Variants in TXNL1 observed in about 807,000 individuals in gnomAD.
The protein encoded by TXNL1 is thioredoxin like 1.
Under a neutral mutation model 35.5 loss-of-function variants are expected in TXNL1, and 14 were observed. The ratio of observed to expected loss-of-function variants is 0.39; its 90% CI spans 0.26 to 0.62. The LOEUF is 0.62. Ranked by LOEUF, TXNL1 falls within the 20% of genes least tolerant of loss-of-function variation. The probability of loss-of-function intolerance (pLI) is 0.47; values close to 1 mark genes in which losing one functional copy is unlikely to be tolerated. For synonymous variants in TXNL1, 110 were observed against 115.5 expected (o/e 0.95, Z 0.31); for missense variants, 263 against 349.7 (o/e 0.75, Z 1.98).
rs1314949143 is a variant in TXNL1, at chr18:56,598,964, T to A, written c.*4063A>T. 1.3e-5 allele frequency: 2 copies of A among 152,208 alleles called. No homozygotes were observed. Among genetic ancestry groups the A allele is most frequent in the Non-Finnish European group, 1.5e-5 (1 of 68,036 alleles). The allele number at this position is 152,208 out of a possible 1,614,324, so 9.4% of individuals were successfully genotyped here. On this transcript the variant is annotated 3_prime_UTR_variant, in exon 8 of 8. Transcript: ENST00000217515. ...TGTCCAATTATAAACCAACAGATCA[T>A]GTTTTCACAATTAATTCTGGTCTGT...
intron 7 of TXNL1, chr18:56,610,227 G>C (rs1326590828): frequency 6.6e-6 from 1 of 152,194 alleles, no homozygotes; most frequent in Non-Finnish European, 1.5e-5. Flanking sequence ...TTTAAACTGA[G>C]TATATAGCAA....
chr18:56,605,800 T>C (rs1351049861), intron 7 of TXNL1, among the ~76,000 whole-genome samples: 6 of 152,302 alleles, frequency 3.9e-5, no homozygotes, highest in East Asian at 3.9e-4. Flanking sequence ...AAAGTTGTAA[T>C]AGCATGAAAG....
intron 7 of TXNL1, chr18:56,610,721 ACCAAG>A: frequency 5.1e-6 from 1 of 194,850 alleles, no homozygotes; most frequent in Non-Finnish European, 1.0e-5. Context: ...ACTTTCTATA[ACCAAG>A]CCATTATTTT....
intron 7 of TXNL1, among the ~76,000 whole-genome samples, chr18:56,607,889 G>A (rs2023926679): frequency 6.6e-6 from 1 of 152,094 alleles, no homozygotes. Context: ...CCATTGTAAG[G>A]TGAAAATATT....
intron 3 of TXNL1, among the ~76,000 whole-genome samples, chr18:56,618,615 T>C (rs2024128645): frequency 6.6e-6 from 1 of 151,658 alleles, no homozygotes; most frequent in African/African-American, 2.4e-5. Context: ...CCAGCTACAA[T>C]AATCATCAAC....
At position 56,638,563 on chromosome 18, in the gene TXNL1, A is replaced by C. The variant is rs1598928723; in HGVS notation, c.-123T>G. The C allele has an allele frequency of 1.2e-6, 1 of 857,280 alleles. No homozygotes were observed. The highest frequency in any genetic ancestry group is 4.0e-4 in the Middle Eastern group (1 of 2,508). The allele number at this position is 857,280 out of a possible 1,614,324, so 53.1% of individuals were successfully genotyped here. ...CGAGGCCTGGACAGAAGAGGTGGCG[A>C]CCGCCGAGTCTTCTCCCGGGACTCT... On this transcript the variant is annotated 5_prime_UTR_variant, in exon 1 of 8. Transcript: ENST00000217515.
intron 7 of TXNL1, chr18:56,605,386 T>C (rs2023874018): frequency 6.6e-6 from 1 of 152,160 alleles, no homozygotes; most frequent in Admixed American, 6.6e-5. Flanking sequence ...TTAAAAAAGC[T>C]GAAAAATAAA....
chr18:56,622,382 A>C (rs1428080689), intron 3 of TXNL1, among the ~76,000 whole-genome samples: 2 of 152,312 alleles, frequency 1.3e-5, no homozygotes, highest in Non-Finnish European at 2.9e-5. Context: ...GGGATAATTA[A>C]GAAAATTTAA....
rs534596872 is a variant in TXNL1, at chr18:56,611,363, G to A, written c.736-266C>T. On this transcript the variant is annotated intron_variant, in intron 6 of 7. Transcript: ENST00000217515. ...AAAAACACAAAAAAATTAACCAGGT[G>A]TGGTGACTGGCACCTGTAATCCTAG... is the stretch of plus-strand genomic sequence containing the variant. Among the ~76,000 whole-genome samples the A allele has an allele frequency of 3.3e-5, 5 of 151,924 alleles. No homozygotes were observed. In the East Asian group the frequency reaches 9.8e-4, roughly 30 times the overall value.
In TXNL1 at chr18:56,624,379, C is replaced by T. The variant is rs772936994; in HGVS notation, c.278G>A (p.Gly93Glu). The change falls in exon 3 of 8, where the codon GGA (glycine) becomes GAA (glutamate). Residue 93 changes from glycine to glutamate, a missense_variant. Transcript: ENST00000217515. ...RNKVRIDQYQ[G>E]ADAVGLEEKI... ...TTCTTCTAATCCCACAGCATCTGCT[C>T]CTTGATATTGATCAATTCTCACTTT... 1.9e-6 allele frequency: 3 copies of T among 1,613,902 alleles called. No homozygotes were observed. Among genetic ancestry groups the T allele is most frequent in the Admixed American group, 3.3e-5 (2 of 60,016 alleles).
intron 1 of TXNL1, 73 bp downstream of exon 1, chr18:56,638,270 C>A: frequency 6.8e-7 from 1 of 1,461,096 alleles, no homozygotes; most frequent in Non-Finnish European, 9.3e-7. Context: ...GCTAGGAAAC[C>A]AGGGCCAACA....
At chr18:56,632,873 C>T (rs907331217) in intron 1 of TXNL1, among the ~76,000 whole-genome samples, 1 of 152,194 alleles carries the variant, frequency 6.6e-6, no homozygotes, top group African/African-American at 2.4e-5. Flanking sequence ...TACTTGCTAA[C>T]GTTTTCTGCC....
At chr18:56,622,668 A>T (rs1444407669) in intron 3 of TXNL1, among the ~76,000 whole-genome samples, 1 of 152,206 alleles carries the variant, frequency 6.6e-6, no homozygotes, top group African/African-American at 2.4e-5. Flanking sequence ...CAAAACACTC[A>T]TACCACAGCG....
intron 2 of TXNL1, among the ~76,000 whole-genome samples, chr18:56,625,855 C>T (rs1314369167): frequency 6.6e-6 from 1 of 152,042 alleles, no homozygotes; most frequent in African/African-American, 2.4e-5. Flanking sequence ...TATACAAATA[C>T]AGAACTGCCA....
intron 1 of TXNL1, among the ~76,000 whole-genome samples, chr18:56,634,340 G>A (rs915922460): frequency 1.3e-5 from 2 of 152,086 alleles, no homozygotes; most frequent in African/African-American, 4.8e-5. Context: ...TAATTCAAAC[G>A]ATGCATTTAT....
intron 7 of TXNL1, among the ~76,000 whole-genome samples, chr18:56,608,062 G>A (rs539790695): frequency 6.6e-6 from 1 of 152,200 alleles, no homozygotes; most frequent in Non-Finnish European, 1.5e-5. Flanking sequence ...GTGGTTCCAG[G>A]CATCCACCGG....
intron 1 of TXNL1, among the ~76,000 whole-genome samples, chr18:56,630,741 C>A (rs1251543579): frequency 2.0e-5 from 3 of 152,122 alleles, no homozygotes; most frequent in African/African-American, 7.2e-5. Context: ...TATCTAGATT[C>A]TTTAATTTCA....
At chr18:56,612,000 T>C (rs898311853) in intron 6 of TXNL1, among the ~76,000 whole-genome samples, 9 of 148,122 alleles carry the variant, frequency 6.1e-5, no homozygotes, top group African/African-American at 2.2e-4. Context: ...AGGCACATGC[T>C]GCCACGCCCG....
chr18:56,614,377 T>C (rs654705), intron 6 of TXNL1, 47 bp downstream of exon 6: 7 of 1,531,274 alleles, frequency 4.6e-6, no homozygotes, highest in Non-Finnish European at 6.2e-6. Context: ...AAAATAGTAT[T>C]GTTACTCACA....
Sources: allele counts gnomAD v4.1 joint callset (sites outside exome capture counted in the v4.1 genomes callset), GRCh38; gene constraint gnomAD v4.1.1; transcripts MANE v1.5; gene names NCBI Gene and HGNC (gene_info 2026-07-23, HGNC 2026-07-21).